DNM3: variants seen among roughly 807,000 people sequenced by gnomAD.
DNM3 encodes the protein dynamin-3.
In DNM3, 47 loss-of-function variants were observed where a neutral mutation model predicts 101.6. The observed-to-expected ratio is 0.46, with a 90% CI of 0.37 to 0.59. DNM3 has a LOEUF of 0.59. DNM3 is among the 20% of genes least tolerant of loss of function. The pLI, the probability that DNM3 is intolerant of heterozygous loss-of-function variation, is 0.00. For synonymous variants in DNM3, 385 were observed against 387.9 expected (o/e 0.99, Z 0.09); for missense variants, 849 against 1,085.7 (o/e 0.78, Z 3.06).
intron 7 of DNM3, among the ~76,000 whole-genome samples, chr1:172,040,823 G>C (rs2049325951): frequency 6.6e-6 from 1 of 151,558 alleles, no homozygotes; most frequent in Non-Finnish European, 1.5e-5. Context: ...GCAAGGGACA[G>C]AGAGAATGGT....
At chr1:172,339,481 C>G (rs577198882) in intron 17 of DNM3, among the ~76,000 whole-genome samples, 1 of 152,300 alleles carries the variant, frequency 6.6e-6, no homozygotes. Context: ...TCCTCAAAAT[C>G]GTGCAGTTTG....
intron 17 of DNM3, among the ~76,000 whole-genome samples, chr1:172,330,955 T>C (rs546538922): frequency 6.6e-6 from 1 of 152,294 alleles, no homozygotes; most frequent in South Asian, 2.1e-4. Flanking sequence ...TTTGTTGTGA[T>C]TATACAGATT....
At chr1:171,971,042 ATTATCTTAT>A (rs2043956412) in intron 2 of DNM3, among the ~76,000 whole-genome samples, 1 of 152,062 alleles carries the variant, frequency 6.6e-6, no homozygotes, top group Admixed American at 6.5e-5. Flanking sequence ...CTTTCTGTGC[ATTATCTTAT>A]TTAACATTTA....
intron 17 of DNM3, among the ~76,000 whole-genome samples, chr1:172,332,845 C>A (rs1007407155): frequency 6.6e-6 from 1 of 152,174 alleles, no homozygotes; most frequent in Non-Finnish European, 1.5e-5. Context: ...TGAAGGAGAA[C>A]CAGATATTTG....
chr1:172,229,015 A>G (rs1208458963), intron 14 of DNM3, among the ~76,000 whole-genome samples: 8 of 152,152 alleles, frequency 5.3e-5, no homozygotes, highest in Non-Finnish European at 1.0e-4. Flanking sequence ...GAATCCTGTC[A>G]TTTCTAAATA....
chr1:171,903,599 G>A (rs1261976243), intron 1 of DNM3, among the ~76,000 whole-genome samples: 2 of 152,146 alleles, frequency 1.3e-5, no homozygotes, highest in African/African-American at 4.8e-5. Context: ...ACTTGTTTAA[G>A]GTCCTGTAGC....
intron 14 of DNM3, among the ~76,000 whole-genome samples, chr1:172,191,003 A>G (rs1572888713): frequency 6.6e-6 from 1 of 152,260 alleles, no homozygotes; most frequent in African/African-American, 2.4e-5. Flanking sequence ...TTTGCTGTGC[A>G]GAAGCTCTTT....
At chr1:172,190,307 C>T (rs1395250981) in intron 14 of DNM3, among the ~76,000 whole-genome samples, 2 of 152,074 alleles carry the variant, frequency 1.3e-5, no homozygotes, top group Admixed American at 1.3e-4. Context: ...ATGATGGTAT[C>T]CAGCTCCATC....
chr1:171,898,971 C>T (rs1347201022), intron 1 of DNM3, among the ~76,000 whole-genome samples: 1 of 152,192 alleles, frequency 6.6e-6, no homozygotes, highest in East Asian at 1.9e-4. Context: ...GTATTTGAAA[C>T]TAACGTGAGT....
intron 14 of DNM3, among the ~76,000 whole-genome samples, chr1:172,181,207 G>A (rs2148392884): frequency 6.6e-6 from 1 of 152,078 alleles, no homozygotes; most frequent in South Asian, 2.1e-4. Context: ...GGTTCTTTTT[G>A]GCAAAGGTGA....
chr1:172,255,900 G>A (rs1018918761), intron 15 of DNM3, among the ~76,000 whole-genome samples: 5 of 152,116 alleles, frequency 3.3e-5, no homozygotes, highest in African/African-American at 1.2e-4. Flanking sequence ...TGTGTTTCTA[G>A]TTACTAAGGT....
chr1:171,978,071 A>C (rs1160355953), intron 2 of DNM3, among the ~76,000 whole-genome samples: 1 of 152,168 alleles, frequency 6.6e-6, no homozygotes, highest in Non-Finnish European at 1.5e-5. Flanking sequence ...TCATCTACTC[A>C]TTCATTTATT....
At chr1:172,319,655 A>G (rs979103165) in intron 16 of DNM3, among the ~76,000 whole-genome samples, 1 of 152,250 alleles carries the variant, frequency 6.6e-6, no homozygotes, top group African/African-American at 2.4e-5. Context: ...TGGCCATCAG[A>G]GAAATGCAAA....
intron 13 of DNM3, among the ~76,000 whole-genome samples, chr1:172,120,560 C>T (rs1236927709): frequency 1.3e-5 from 2 of 152,320 alleles, no homozygotes; most frequent in East Asian, 3.9e-4. Context: ...TTTGCTCCTC[C>T]AGGCACGCCT....
intron 15 of DNM3, among the ~76,000 whole-genome samples, chr1:172,296,770 AT>A (rs1289666451): frequency 6.6e-6 from 1 of 152,154 alleles, no homozygotes; most frequent in African/African-American, 2.4e-5. Flanking sequence ...GTCTTTTCCC[AT>A]TTCCTAAGTT....
At position 172,408,551 on chromosome 1, in the gene DNM3, A is replaced by C; in HGVS notation, c.*710A>C. On this transcript the variant is annotated 3_prime_UTR_variant, in exon 21 of 21. Transcript: ENST00000627582. ...GTTAATCAGTCAATAAATTTGGCTA[A>C]TTAGTTTCAGAGTTCAAGGAAGAAG... 1 of 985,376 alleles carries C rather than the reference A, an allele frequency of 1.0e-6. No homozygotes were observed. The highest frequency in any genetic ancestry group is 1.2e-6 in the Non-Finnish European group (1 of 829,890). 61.0% of individuals were successfully genotyped at this position (985,376 alleles called of 1,614,324 possible).
rs773362628 is a variant in DNM3, at chr1:172,011,369, A to G, written c.590-21033A>G. Among the ~76,000 whole-genome samples the G allele has an allele frequency of 5.7e-4, 86 of 151,974 alleles. 1 individual carries two copies. Among genetic ancestry groups the G allele is most frequent in the East Asian group, 3.9e-4 (2 of 5,182 alleles). On this transcript the variant is annotated intron_variant, in intron 4 of 20. Transcript: ENST00000627582. Reference sequence around the variant, plus strand: ...TTAAAAAAGACATAATGGGACCCCTATGAAAATTTCTGGACCTCCTTTTTA... The same window carrying G: ...TTAAAAAAGACATAATGGGACCCCTGTGAAAATTTCTGGACCTCCTTTTTA...
At chr1:171,976,075 C>T (rs1425389885) in intron 2 of DNM3, among the ~76,000 whole-genome samples, 2 of 152,136 alleles carry the variant, frequency 1.3e-5, no homozygotes, top group African/African-American at 4.8e-5. Flanking sequence ...AATGGATCTA[C>T]ACATATGTAG....
At chr1:172,325,381 G>A (rs1188829879) in intron 17 of DNM3, among the ~76,000 whole-genome samples, 8 of 152,092 alleles carry the variant, frequency 5.3e-5, no homozygotes, top group South Asian at 2.1e-4. Context: ...TTTTGATTTC[G>A]AATTAAGGAG....
Sources: allele counts gnomAD v4.1 joint callset (sites outside exome capture counted in the v4.1 genomes callset), GRCh38; gene constraint gnomAD v4.1.1; transcripts MANE v1.5; gene names NCBI Gene and HGNC (gene_info 2026-07-23, HGNC 2026-07-21).